TG: variants seen among roughly 807,000 people sequenced by gnomAD.
TG encodes thyroid hormones.
Under a neutral mutation model 324.7 loss-of-function variants are expected in TG, and 270 were observed. The ratio of observed to expected loss-of-function variants is 0.83; its 90% CI spans 0.75 to 0.92. The LOEUF is 0.92. Ranked by LOEUF, TG falls within the 40% of genes least tolerant of loss-of-function variation. TG has a pLI of 0.00. For missense variants in TG, 3,591 were observed against 3,456.4 expected (o/e 1.04, Z -0.98); for synonymous variants, 1,401 against 1,327.0 (o/e 1.06, Z -1.21).
chr8:133,059,097 C>T (rs1298281659), intron 41 of TG: 2 of 456,290 alleles, frequency 4.4e-6, no homozygotes, highest in Admixed American at 2.3e-5. Flanking sequence ...CAGTCCACTT[C>T]CCTGTCAGGC....
chr8:132,948,658 GTC>G (rs1252036804), intron 26 of TG, 116 bp from the exon 27 acceptor site: 1 of 1,092,954 alleles, frequency 9.1e-7, no homozygotes, highest in Non-Finnish European at 1.4e-6. Flanking sequence ...TAGTGTCTAT[GTC>G]TTCTCCTGAG....
At chr8:132,945,186 A>G (rs767909707) in intron 26 of TG, among the ~76,000 whole-genome samples, 1 of 152,210 alleles carries the variant, frequency 6.6e-6, no homozygotes, top group Non-Finnish European at 1.5e-5. Flanking sequence ...GGGTCAGAGT[A>G]GATGCAGAGA....
chr8:132,898,812 G>T lies in TG; in HGVS notation c.3232G>T (p.Glu1078Ter). 2 of 1,614,116 alleles carry T rather than the reference G, an allele frequency of 1.2e-6. No homozygotes were observed. Among genetic ancestry groups the T allele is most frequent in the Non-Finnish European group, 1.7e-6 (2 of 1,180,026 alleles). ...LQIPQCPTTC[E>*]KSRTSGLLSS... ...CTCTCCCACAGGCCCGACAACCTGC[G>T]AGAAATCTCGAACCAGTGGGCTGCT... is the stretch of plus-strand genomic sequence containing the variant. The change falls in exon 14 of 48, where the codon GAG becomes TAG. Residue 1078 changes from glutamate (E) to a stop codon, truncating the protein, a stop_gained. Transcript: ENST00000220616. LOFTEE classifies it high-confidence loss of function.
chr8:132,910,752 C>T (rs2132370489), intron 18 of TG, among the ~76,000 whole-genome samples: 1 of 152,324 alleles, frequency 6.6e-6, no homozygotes, highest in African/African-American at 2.4e-5. Context: ...GACACACAGT[C>T]TGTGGTATTT....
chr8:132,955,161 T>A (rs1826660717), intron 27 of TG, among the ~76,000 whole-genome samples: 1 of 152,186 alleles, frequency 6.6e-6, no homozygotes, highest in Admixed American at 6.5e-5. Context: ...TGATTCTTCA[T>A]AATGGTCATC....
Position 133,113,525 on chromosome 8 carries a change from C to A in TG, c.7676C>A (p.Ala2559Asp), listed in dbSNP as rs1045820558. 9 of 1,613,984 alleles carry A rather than the reference C, an allele frequency of 5.6e-6. No homozygotes were observed. Among genetic ancestry groups the A allele is most frequent in the Non-Finnish European group, 7.6e-6 (9 of 1,180,018 alleles). Residue 2559 changes from alanine to aspartate, a missense_variant, in exon 44 of 48, where the codon GCT becomes GAT. By Grantham distance (126) the Ala-to-Asp change is moderately radical. Coordinates refer to ENST00000220616, the MANE Select transcript of TG (RefSeq NM_003235.5). ...GEDSDARVEA[A>D]ATWYYSLEHS... ...GACTCAGATGCCCGCGTCGAGGCTGCTGCTACATGGTATTACTCTCTGGAG... is the reference window on the plus strand; with the variant it reads ...GACTCAGATGCCCGCGTCGAGGCTGATGCTACATGGTATTACTCTCTGGAG...
At chr8:132,903,704 C>G (rs765830031) in intron 16 of TG, among the ~76,000 whole-genome samples, 5 of 152,156 alleles carry the variant, frequency 3.3e-5, no homozygotes, top group Non-Finnish European at 5.9e-5. Flanking sequence ...ACACCCAAAC[C>G]TCTTTCTGCT....
At chr8:133,133,244 T>G in intron 46 of TG, 2 of 620,454 alleles carry the variant, frequency 3.2e-6, no homozygotes, top group Non-Finnish European at 5.8e-6. Context: ...GTCATGACCT[T>G]AACACCTTTC....
At chr8:133,091,467 G>T (rs1031818835) in intron 41 of TG, among the ~76,000 whole-genome samples, 18 of 152,242 alleles carry the variant, frequency 1.2e-4, no homozygotes, top group African/African-American at 4.3e-4. Flanking sequence ...TGCCCACCCC[G>T]CTTCTTGTTG....
At position 133,116,498 on chromosome 8, in the gene TG, A is replaced by C. The variant is rs1038545530; in HGVS notation, c.7755-111A>C. ...AAGAAGGTGTTCTTGTAGGCCTGGC[A>C]GGGGTGGGTTGGGGGCCCAGGGGGC... is the stretch of plus-strand genomic sequence containing the variant. On this transcript the variant is annotated intron_variant, in intron 44 of 47. Transcript: ENST00000220616. The C allele has an allele frequency of 4.7e-6, 4 of 852,562 alleles. No homozygotes were observed. In the African/African-American group the frequency reaches 5.0e-5, roughly 11 times the overall value. 52.8% of individuals were successfully genotyped at this position (852,562 alleles called of 1,614,324 possible). A position where few individuals can be genotyped will look rare whatever the true frequency, so the allele number is the denominator to read the frequency against.
intron 14 of TG, 33 bp downstream of exon 14, chr8:132,898,943 G>A: frequency 6.3e-7 from 1 of 1,575,480 alleles, no homozygotes; most frequent in Admixed American, 1.7e-5. Context: ...TTGGAGCCGG[G>A]ACTTGTCCCC....
chr8:132,937,915 T>A (rs1563978171), intron 25 of TG, among the ~76,000 whole-genome samples: 1 of 152,198 alleles, frequency 6.6e-6, no homozygotes. Flanking sequence ...AACTATGTTT[T>A]GCTTTTTTTG....
intron 41 of TG, chr8:133,073,346 A>C (rs1844359206): frequency 6.6e-6 from 1 of 152,180 alleles, no homozygotes; most frequent in South Asian, 2.1e-4. Context: ...AAGCACTCTT[A>C]AATAGAATTC....
intron 18 of TG, 124 bp from the exon 19 acceptor site, chr8:132,911,253 T>G (rs1819479757): frequency 6.4e-7 from 1 of 1,565,800 alleles, no homozygotes; most frequent in Non-Finnish European, 8.7e-7. Context: ...CTTGACCCCC[T>G]GAAGTAGGGT....
Position 132,911,495 on chromosome 8 carries a change from A to T in TG, c.4121A>T (p.Asp1374Val). 1 of 1,614,116 alleles carries T rather than the reference A, an allele frequency of 6.2e-7. No individual in the cohort carries two copies. The highest frequency in any genetic ancestry group is 8.5e-7 in the Non-Finnish European group (1 of 1,180,010). The stretch of plus-strand genomic sequence containing the variant: ...GTTACATGGAAATCACGGCTTGAGG[A>T]CATCCCAGTGGCTTCTCTTCCTGAC... ...VNVTWKSRLEDIPVASLPDLH... is the reference protein window; with the variant it reads ...VNVTWKSRLEVIPVASLPDLH... The change falls in exon 19 of 48, where the codon GAC becomes GTC. Residue 1374 changes from aspartate to valine, a missense_variant. Asp to Val is a radical substitution (Grantham distance 152). Coordinates refer to ENST00000220616, the MANE Select transcript of TG (RefSeq NM_003235.5).
rs9969645 is a variant in TG, at chr8:132,878,653, G to C, written c.639-3210G>C. On this transcript the variant is annotated intron_variant, in intron 5 of 47. Transcript: ENST00000220616. The stretch of plus-strand genomic sequence containing the variant: ...AAAACAAAAAGTGTCTCCAGGTGCT[G>C]TATTTCAGAGGCTGCGAATGTTGGG... Among the ~76,000 whole-genome samples the C allele has an allele frequency of 9.2e-3, 1,396 of 151,720 alleles. 19 individuals are homozygous for C. The highest frequency in any genetic ancestry group is 0.032 in the African/African-American group (1,328 of 41,382).
chr8:132,901,291 T>C, intron 15 of TG, 62 bp from the exon 16 acceptor site: 2 of 1,597,962 alleles, frequency 1.3e-6, no homozygotes, highest in Non-Finnish European at 1.7e-6. Flanking sequence ...GGAGGGTGAT[T>C]GGGCATCTGA....
chr8:132,988,089 CA>C (rs1831813946), intron 35 of TG, among the ~76,000 whole-genome samples: 3 of 151,688 alleles, frequency 2.0e-5, no homozygotes, highest in Non-Finnish European at 4.4e-5. Flanking sequence ...CACACACACA[CA>C]CACACACACA....
intron 6 of TG, 31 bp from the exon 7 acceptor site, chr8:132,882,438 C>T (rs747309729): frequency 1.9e-6 from 3 of 1,613,762 alleles, no homozygotes; most frequent in Non-Finnish European, 2.5e-6. Flanking sequence ...TGAATGAGAC[C>T]ATCTCTGAAA....
Sources: allele counts gnomAD v4.1 joint callset (sites outside exome capture counted in the v4.1 genomes callset), GRCh38; gene constraint gnomAD v4.1.1; transcripts MANE v1.5; gene names NCBI Gene and HGNC (gene_info 2026-07-23, HGNC 2026-07-21).